The following ZNF385D variants were observed in gnomAD, a reference collection of about 807,000 sequenced individuals.
ZNF385D encodes the protein zinc finger protein 385D.
A neutral mutation model predicts 35.8 loss-of-function variants in ZNF385D; 15 were observed. The ratio of observed to expected loss-of-function variants is 0.42; its 90% CI spans 0.28 to 0.64. ZNF385D has a LOEUF of 0.64. ZNF385D is among the 30% of genes least tolerant of loss of function. The pLI is 0.23. For synonymous variants in ZNF385D, 212 were observed against 186.8 expected, an observed-to-expected ratio of 1.13 and a Z score of -1.10; for missense variants, 474 against 494.6, an observed-to-expected ratio of 0.96 and a Z score of 0.39.
chr3:21,433,844 G>T (rs775727935), intron 5 of ZNF385D, among the ~76,000 whole-genome samples: 3 of 151,914 alleles, frequency 2.0e-5, no homozygotes, highest in Non-Finnish European at 4.4e-5. Context: ...TATTAAATTC[G>T]CAGATTTTTA....
intron 2 of ZNF385D, among the ~76,000 whole-genome samples, chr3:22,355,022 T>C (rs1056592172): frequency 4.6e-5 from 7 of 152,170 alleles, no homozygotes; most frequent in Admixed American, 1.3e-4. Flanking sequence ...AATTTAATTA[T>C]AAAATTGGAT....
chr3:21,739,357 G>A (rs552597939), intron 1 of ZNF385D, among the ~76,000 whole-genome samples: 2 of 152,264 alleles, frequency 1.3e-5, no homozygotes, highest in South Asian at 2.1e-4. Flanking sequence ...TGGAAGCTGC[G>A]GTGGAGGAGC....
chr3:22,143,062 T>TGTGTGC (rs1704619647), intron 3 of ZNF385D, among the ~76,000 whole-genome samples: 1 of 28,882 alleles, frequency 3.5e-5, no homozygotes, highest in Non-Finnish European at 7.3e-5. Flanking sequence ...AAATCGGTTG[T>TGTGTGC]GTGTGTGTGT....
At chr3:22,155,330 A>G (rs1705516602) in intron 3 of ZNF385D, among the ~76,000 whole-genome samples, 1 of 152,084 alleles carries the variant, frequency 6.6e-6, no homozygotes, top group Admixed American at 6.6e-5. Flanking sequence ...CAGAAATGAA[A>G]TGAATTAAAA....
chr3:21,496,801 C>A (rs1559348027), intron 4 of ZNF385D, among the ~76,000 whole-genome samples: 1 of 151,840 alleles, frequency 6.6e-6, no homozygotes. Context: ...GACAAAACTG[C>A]ATGATTATTT....
At chr3:21,647,248 T>C (rs1302043274) in intron 2 of ZNF385D, among the ~76,000 whole-genome samples, 2 of 152,144 alleles carry the variant, frequency 1.3e-5, no homozygotes, top group African/African-American at 4.8e-5. Context: ...TGTTGTCTTA[T>C]TGTAAATTAT....
intron 3 of ZNF385D, among the ~76,000 whole-genome samples, chr3:21,953,141 G>C (rs2125302166): frequency 6.6e-6 from 1 of 151,926 alleles, no homozygotes; most frequent in East Asian, 1.9e-4. Flanking sequence ...TTTTCCTCAA[G>C]TGTTTCTTTT....
intron 3 of ZNF385D, among the ~76,000 whole-genome samples, chr3:21,784,922 T>C (rs1365375620): frequency 1.3e-5 from 2 of 152,206 alleles, no homozygotes; most frequent in East Asian, 1.9e-4. Context: ...TTTTAATTTT[T>C]TTAAATGTTG....
In ZNF385D at chr3:21,975,739, A is replaced by ATATATATATATG. The variant is rs1274341158; in HGVS notation, c.325+193077_325+193078insCATATATATATA. Among the ~76,000 whole-genome samples, 313 of 48,282 alleles carry ATATATATATATG rather than the reference A, an allele frequency of 6.5e-3. 4 individuals are homozygous for ATATATATATATG. The highest frequency in any genetic ancestry group is 9.1e-3 in the Non-Finnish European group (239 of 26,198). 31.7% of individuals were successfully genotyped at this position (48,282 alleles called of 152,430 possible). A position where few individuals can be genotyped will look rare whatever the true frequency, so the allele number is the denominator to read the frequency against. On this transcript the variant is annotated intron_variant, in intron 3 of 5. Coordinates refer to the ZNF385D transcript ENST00000494108. ...TATATATATATATATATATATATAT[A>ATATATATATATG]TATATATATATATATACACACACTA...
chr3:22,219,334 T>C (rs1698100609), intron 2 of ZNF385D, among the ~76,000 whole-genome samples: 1 of 152,092 alleles, frequency 6.6e-6, no homozygotes, highest in African/African-American at 2.4e-5. Flanking sequence ...GTATTAAGAG[T>C]ATCCTAATCA....
intron 1 of ZNF385D, among the ~76,000 whole-genome samples, chr3:21,696,568 A>G (rs550224250): frequency 6.6e-6 from 1 of 152,362 alleles, no homozygotes; most frequent in African/African-American, 2.4e-5. Context: ...TTTCCCTCTT[A>G]CACCATTTAA....
chr3:21,631,324 T>G (rs2065274877), intron 2 of ZNF385D, among the ~76,000 whole-genome samples: 1 of 152,036 alleles, frequency 6.6e-6, no homozygotes, highest in Admixed American at 6.6e-5. Flanking sequence ...CTTATAGCAA[T>G]CAATATTTCC....
chr3:21,863,407 A>G (rs1189807734), intron 3 of ZNF385D, among the ~76,000 whole-genome samples: 1 of 152,162 alleles, frequency 6.6e-6, no homozygotes, highest in Non-Finnish European at 1.5e-5. Context: ...GACTGCATGG[A>G]AAGATGAATA....
At chr3:21,531,957 A>G (rs534235965) in intron 3 of ZNF385D, among the ~76,000 whole-genome samples, 18 of 152,310 alleles carry the variant, frequency 1.2e-4, no homozygotes, top group African/African-American at 2.9e-4. Context: ...AGAGGGGAAT[A>G]TTGATAATGG....
chr3:21,892,780 G>A (rs259522), intron 3 of ZNF385D, among the ~76,000 whole-genome samples: 87,349 of 151,876 alleles, frequency 0.58, 25,386 homozygotes, highest in South Asian at 0.7. Flanking sequence ...ATTTACTCAC[G>A]TGCAAGATAA....
At chr3:21,470,562 A>T (rs139702031) in intron 4 of ZNF385D, among the ~76,000 whole-genome samples, 1 of 152,338 alleles carries the variant, frequency 6.6e-6, no homozygotes, top group African/African-American at 2.4e-5. Flanking sequence ...AGAAAAGGCC[A>T]AATCAAGTGA....
chr3:22,197,282 C>T (rs962773108), intron 2 of ZNF385D, among the ~76,000 whole-genome samples: 7 of 151,928 alleles, frequency 4.6e-5, no homozygotes, highest in African/African-American at 1.7e-4. Context: ...ATTCTAGGCT[C>T]CTTCTCCTCT....
chr3:22,151,192 G>C (rs1482639946), intron 3 of ZNF385D, among the ~76,000 whole-genome samples: 2 of 152,064 alleles, frequency 1.3e-5, no homozygotes, highest in East Asian at 1.9e-4. Context: ...GGCACCCCTG[G>C]AGTGCATTGG....
chr3:22,033,271 G>A (rs1021570364), intron 3 of ZNF385D, among the ~76,000 whole-genome samples: 12 of 151,782 alleles, frequency 7.9e-5, no homozygotes, highest in African/African-American at 2.2e-4. Flanking sequence ...GCATGGTGGC[G>A]CGTGCCTGTC....
Sources: gnomAD v4.1 joint callset for allele counts (sites outside exome capture counted in the v4.1 genomes callset) on GRCh38, gnomAD v4.1.1 for gene constraint, MANE v1.5 for transcripts, NCBI Gene and HGNC (gene_info 2026-07-23, HGNC 2026-07-21) for gene names.